Variants in L3MBTL4 observed in about 807,000 individuals in gnomAD.
L3MBTL4 encodes lethal(3)malignant brain tumor-like protein 4.
L3MBTL4 carries 70 observed loss-of-function variants against 84.5 expected under a neutral mutation model. The observed-to-expected ratio is 0.83, with a 90% confidence interval of 0.68 to 1.01. The LOEUF is 1.01. Among genes scored for constraint, L3MBTL4 ranks in the 50% least tolerant of loss-of-function variants. L3MBTL4 has a pLI of 0.00. For synonymous variants in L3MBTL4, 274 were observed against 259.8 expected, an observed-to-expected ratio of 1.05 and a Z score of -0.52; for missense variants, 715 against 754.8, an observed-to-expected ratio of 0.95 and a Z score of 0.62.
chr18:6,250,301 A>C (rs2047867216), intron 5 of L3MBTL4, among the ~76,000 whole-genome samples: 1 of 152,194 alleles, frequency 6.6e-6, no homozygotes, highest in African/African-American at 2.4e-5. Flanking sequence ...CAAACACACA[A>C]ACAAAACACC....
In L3MBTL4 at chr18:6,108,226, T is replaced by C. The variant is rs931421813; in HGVS notation, c.1200-14698A>G. Among the ~76,000 whole-genome samples, 7 of 152,176 alleles carry C rather than the reference T, an allele frequency of 4.6e-5. No homozygotes were observed. The East Asian group carries it at 1.2e-3, about 25-fold the overall frequency. ...GAGCACATATGCCTTAGTCTAAAGA[T>C]ACTTTCAGACATGAACAACATCACT... On this transcript the variant is annotated intron_variant, in intron 14 of 18. Transcript: ENST00000317931.
At chr18:6,217,082 A>G (rs541781283) in intron 10 of L3MBTL4, among the ~76,000 whole-genome samples, 4 of 152,174 alleles carry the variant, frequency 2.6e-5, no homozygotes, top group Non-Finnish European at 5.9e-5. Flanking sequence ...GTATTTTTTT[A>G]CAATTCCCCC....
At chr18:6,307,180 C>G (rs995613796) in intron 3 of L3MBTL4, among the ~76,000 whole-genome samples, 9 of 151,988 alleles carry the variant, frequency 5.9e-5, no homozygotes, top group African/African-American at 1.4e-4. Flanking sequence ...CACCTGTATT[C>G]CCAGCACTTT....
intron 2 of L3MBTL4, 93 bp downstream of exon 2, chr18:6,311,905 G>A (rs1186038424): frequency 9.6e-6 from 3 of 311,298 alleles, no homozygotes; most frequent in African/African-American, 6.5e-5. Flanking sequence ...TATTGCTTTT[G>A]GTCTTATCTG....
At chr18:6,409,289 T>G (rs1461740105) in intron 1 of L3MBTL4, among the ~76,000 whole-genome samples, 1 of 152,162 alleles carries the variant, frequency 6.6e-6, no homozygotes, top group African/African-American at 2.4e-5. Context: ...TACTTAGAAA[T>G]AAATCATCAT....
Position 6,144,196 on chromosome 18 carries a change from C to CAAAAAAAAA in L3MBTL4, c.1097-5909_1097-5901dup, listed in dbSNP as rs35746580. On this transcript the variant is annotated intron_variant, in intron 13 of 18. Coordinates refer to ENST00000317931, the MANE Select transcript of L3MBTL4 (RefSeq NM_001330559.2). ...GGGCGACAGAGTGAGACTCCATCTC[C>CAAAAAAAAA]AAAAAAAAAAAAAAAAAAAAAAAAG... Among the ~76,000 whole-genome samples the CAAAAAAAAA allele has an allele frequency of 1.1e-3, 61 of 58,064 alleles. 1 individual carries two copies. The highest frequency in any genetic ancestry group is 2.2e-3 in the African/African-American group (37 of 16,508). 38.1% of individuals were successfully genotyped at this position (58,064 alleles called of 152,430 possible).
chr18:6,056,021 T>C (rs1266549755), intron 16 of L3MBTL4, among the ~76,000 whole-genome samples: 1 of 152,104 alleles, frequency 6.6e-6, no homozygotes. Context: ...GGAAAACGCC[T>C]CAGTGTTTCG....
chr18:6,394,766 T>TA (rs2055202617), intron 1 of L3MBTL4: 1 of 151,890 alleles, frequency 6.6e-6, no homozygotes, highest in Non-Finnish European at 1.5e-5. Context: ...AATCAACCCC[T>TA]AAAAAAGAGA....
intron 16 of L3MBTL4, among the ~76,000 whole-genome samples, chr18:5,994,096 C>T (rs1001768079): frequency 6.6e-6 from 1 of 152,218 alleles, no homozygotes; most frequent in Non-Finnish European, 1.5e-5. Flanking sequence ...GCACCATCTA[C>T]CTCCCTGTCC....
chr18:6,267,490 C>T (rs1013156587), intron 4 of L3MBTL4, among the ~76,000 whole-genome samples: 6 of 152,214 alleles, frequency 3.9e-5, no homozygotes, highest in African/African-American at 1.4e-4. Flanking sequence ...CCTGAAGATG[C>T]TCCAGGAAGA....
chr18:6,328,586 C>T (rs1599657562), intron 1 of L3MBTL4, among the ~76,000 whole-genome samples: 2 of 152,330 alleles, frequency 1.3e-5, no homozygotes, highest in Admixed American at 6.5e-5. Flanking sequence ...TGAAAACACG[C>T]TATATGCAGA....
At chr18:6,409,688 G>A (rs999263917) in intron 1 of L3MBTL4, among the ~76,000 whole-genome samples, 3 of 152,100 alleles carry the variant, frequency 2.0e-5, no homozygotes, top group Admixed American at 6.5e-5. Flanking sequence ...CACCGAAAAG[G>A]GGAAAAGCCC....
At chr18:6,327,577 T>C (rs1439489352) in intron 1 of L3MBTL4, among the ~76,000 whole-genome samples, 1 of 152,148 alleles carries the variant, frequency 6.6e-6, no homozygotes, top group African/African-American at 2.4e-5. Context: ...GGTTAAAATG[T>C]AACAACACTG....
At chr18:6,367,436 A>G (rs547083404) in intron 1 of L3MBTL4, 3 of 152,216 alleles carry the variant, frequency 2.0e-5, no homozygotes, top group Non-Finnish European at 4.4e-5. Flanking sequence ...TAGGAGGCCA[A>G]TGGATTAACC....
intron 16 of L3MBTL4, among the ~76,000 whole-genome samples, chr18:6,067,309 A>G (rs1368695370): frequency 6.6e-6 from 1 of 152,138 alleles, no homozygotes; most frequent in African/African-American, 2.4e-5. Context: ...ATTTCCCAGG[A>G]GTTCCTTGAG....
chr18:6,110,096 G>A (rs976883920), intron 14 of L3MBTL4, among the ~76,000 whole-genome samples: 3 of 151,944 alleles, frequency 2.0e-5, no homozygotes, highest in South Asian at 2.1e-4. Context: ...TTGTGGTGAA[G>A]TATAATAACT....
chr18:6,001,568 C>T (rs2054215349), intron 16 of L3MBTL4, among the ~76,000 whole-genome samples: 2 of 151,846 alleles, frequency 1.3e-5, no homozygotes, highest in South Asian at 4.2e-4. Context: ...TGGTCAGTTT[C>T]AACAACAAAA....
intron 14 of L3MBTL4, among the ~76,000 whole-genome samples, chr18:6,118,116 C>T (rs1481808350): frequency 6.6e-6 from 1 of 151,844 alleles, no homozygotes; most frequent in Non-Finnish European, 1.5e-5. Flanking sequence ...TTCCCCATGC[C>T]CCACTATCAC....
intron 10 of L3MBTL4, among the ~76,000 whole-genome samples, chr18:6,236,756 C>A (rs1285805802): frequency 6.6e-6 from 1 of 152,108 alleles, no homozygotes; most frequent in Non-Finnish European, 1.5e-5. Context: ...CCTTTCTAGA[C>A]CAAACAGGCA....
Sources: allele counts gnomAD v4.1 joint callset (sites outside exome capture counted in the v4.1 genomes callset), GRCh38; gene constraint gnomAD v4.1.1; transcripts MANE v1.5; gene names NCBI Gene and HGNC (gene_info 2026-07-23, HGNC 2026-07-21).